KCNIP4: variants seen among roughly 807,000 people sequenced by gnomAD.
KCNIP4 encodes potassium voltage-gated channel interacting protein 4.
A neutral mutation model predicts 34.0 loss-of-function variants in KCNIP4; 12 were observed. The ratio of observed to expected loss-of-function variants is 0.35; its 90% confidence interval spans 0.23 to 0.57. The LOEUF (loss-of-function observed/expected upper bound fraction) is 0.57. Ranked by LOEUF, KCNIP4 falls within the 20% of genes least tolerant of loss-of-function variation. KCNIP4 has a pLI of 0.83. For missense variants in KCNIP4, 238 were observed against 311.7 expected (o/e 0.76, Z 1.78); for synonymous variants, 124 against 102.2 (o/e 1.21, Z -1.29).
chr4:20,792,599 ACT>A (rs1313256128), intron 3 of KCNIP4, among the ~76,000 whole-genome samples: 1 of 152,146 alleles, frequency 6.6e-6, no homozygotes, highest in Non-Finnish European at 1.5e-5. Context: ...ACATTAAACC[ACT>A]CTGTGTTAGT....
intron 1 of KCNIP4, among the ~76,000 whole-genome samples, chr4:20,934,321 C>G (rs1166410648): frequency 6.6e-6 from 1 of 152,166 alleles, no homozygotes; most frequent in Non-Finnish European, 1.5e-5. Flanking sequence ...TGGTGGCCAC[C>G]TCACCTATGA....
intron 1 of KCNIP4, among the ~76,000 whole-genome samples, chr4:20,890,130 G>A (rs893822938): frequency 1.3e-5 from 2 of 152,124 alleles, no homozygotes; most frequent in South Asian, 4.1e-4. Flanking sequence ...TCATTTAAAA[G>A]CATTTGTTGA....
intron 1 of KCNIP4, among the ~76,000 whole-genome samples, chr4:21,799,484 C>A (rs1841185): frequency 0.39 from 59,891 of 151,944 alleles, 13,055 homozygotes; most frequent in Non-Finnish European, 0.51. Context: ...CTATATGATA[C>A]CTGTTTGTTG....
At chr4:20,829,842 C>A (rs141544069) in intron 3 of KCNIP4, among the ~76,000 whole-genome samples, 4 of 152,022 alleles carry the variant, frequency 2.6e-5, no homozygotes, top group African/African-American at 9.7e-5. Context: ...TCCAGTCTCA[C>A]GGAGATAAGT....
chr4:21,638,364 A>AT (rs950103800), intron 1 of KCNIP4, among the ~76,000 whole-genome samples: 5 of 151,950 alleles, frequency 3.3e-5, no homozygotes, highest in South Asian at 2.1e-4. Flanking sequence ...AGGTTCAAAG[A>AT]TTTTTTTTCT....
intron 1 of KCNIP4, among the ~76,000 whole-genome samples, chr4:20,909,635 T>C (rs1032870661): frequency 6.6e-6 from 1 of 152,198 alleles, no homozygotes; most frequent in South Asian, 2.1e-4. Context: ...CATTAAGACC[T>C]ACCTATCCCA....
At chr4:21,882,512 A>G (rs1158455) in intron 1 of KCNIP4, among the ~76,000 whole-genome samples, 149,174 of 152,254 alleles carry the variant, frequency 0.98, 73,158 homozygotes, top group East Asian at 1. Flanking sequence ...ATTTCAAGGA[A>G]AAGAAAAGGA....
At chr4:21,583,930 C>T (rs1247723991) in intron 1 of KCNIP4, among the ~76,000 whole-genome samples, 4 of 152,012 alleles carry the variant, frequency 2.6e-5, no homozygotes, top group Admixed American at 2.0e-4. Flanking sequence ...TCTTTTCTTG[C>T]ATATGTTATT....
intron 1 of KCNIP4, among the ~76,000 whole-genome samples, chr4:21,765,819 GAAAAA>G (rs374486594): frequency 4.2e-4 from 40 of 95,122 alleles, no homozygotes; most frequent in African/African-American, 1.2e-3. Context: ...ACCAGGCCGT[GAAAAA>G]AAAAAAAAAA....
At chr4:21,044,225 C>A (rs1468310410) in intron 1 of KCNIP4, among the ~76,000 whole-genome samples, 1 of 152,128 alleles carries the variant, frequency 6.6e-6, no homozygotes, top group African/African-American at 2.4e-5. Context: ...TATTTGAATT[C>A]TCCAGTAGAT....
chr4:20,918,304 G>A (rs557178851), intron 1 of KCNIP4, among the ~76,000 whole-genome samples: 1 of 151,956 alleles, frequency 6.6e-6, no homozygotes, highest in East Asian at 1.9e-4. Flanking sequence ...TTGCACTCTA[G>A]GTCCATATTC....
intron 1 of KCNIP4, among the ~76,000 whole-genome samples, chr4:21,020,651 T>C (rs1739951604): frequency 6.6e-6 from 1 of 152,198 alleles, no homozygotes; most frequent in Admixed American, 6.5e-5. Flanking sequence ...AGGAATCTGG[T>C]ATCCAGAAGA....
chr4:20,781,876 A>T (rs1254784580), intron 3 of KCNIP4, among the ~76,000 whole-genome samples: 1 of 152,162 alleles, frequency 6.6e-6, no homozygotes, highest in Non-Finnish European at 1.5e-5. Context: ...GAAAGTCCAC[A>T]GTCCAAAGTC....
chr4:21,780,057 T>C (rs948012230), intron 1 of KCNIP4, among the ~76,000 whole-genome samples: 1 of 152,074 alleles, frequency 6.6e-6, no homozygotes, highest in African/African-American at 2.4e-5. Context: ...ATGAAGACAA[T>C]TCTGAGCCTC....
At chr4:20,759,041 A>C (rs1207658574) in intron 3 of KCNIP4, 151 bp from the exon 4 acceptor site, 5 of 586,460 alleles carry the variant, frequency 8.5e-6, no homozygotes, top group Middle Eastern at 2.6e-4. Context: ...AAAGCACACT[A>C]TAAACTTATG....
At chr4:21,420,662 A>G (rs1725381271) in intron 1 of KCNIP4, among the ~76,000 whole-genome samples, 1 of 152,190 alleles carries the variant, frequency 6.6e-6, no homozygotes, top group Non-Finnish European at 1.5e-5. Flanking sequence ...CTGCTATTCA[A>G]TTTTAAGACC....
intron 3 of KCNIP4, among the ~76,000 whole-genome samples, chr4:20,777,091 G>A (rs1756440806): frequency 6.6e-6 from 1 of 152,156 alleles, no homozygotes; most frequent in Non-Finnish European, 1.5e-5. Flanking sequence ...ATAAAGAACT[G>A]TTCAAGAATG....
intron 1 of KCNIP4, among the ~76,000 whole-genome samples, chr4:21,726,719 C>G (rs1715221980): frequency 6.6e-6 from 1 of 152,168 alleles, no homozygotes; most frequent in South Asian, 2.1e-4. Context: ...GCTTCCCTCC[C>G]CAAATGTTTG....
intron 1 of KCNIP4, among the ~76,000 whole-genome samples, chr4:21,442,034 G>C (rs1029765683): frequency 6.6e-6 from 1 of 152,146 alleles, no homozygotes; most frequent in African/African-American, 2.4e-5. Context: ...TATTTATGCT[G>C]ATTTTCGTTT....
Sources: gnomAD v4.1 joint callset for allele counts (sites outside exome capture counted in the v4.1 genomes callset) on GRCh38, gnomAD v4.1.1 for gene constraint, MANE v1.5 for transcripts, NCBI Gene and HGNC (gene_info 2026-07-23, HGNC 2026-07-21) for gene names.